Variants in KCND2 observed in about 807,000 individuals in gnomAD.
KCND2 encodes potassium voltage-gated channel subfamily D member 2.
A neutral mutation model predicts 54.4 loss-of-function variants in KCND2; 16 were observed. The observed-to-expected ratio is 0.29, with a 90% CI of 0.20 to 0.45. The LOEUF (loss-of-function observed/expected upper bound fraction) is 0.45. Among genes scored for constraint, KCND2 ranks in the 20% least tolerant of loss-of-function variants. The probability of loss-of-function intolerance (pLI) is 1.00; values close to 1 mark genes in which losing one functional copy is unlikely to be tolerated. For missense variants in KCND2, 486 were observed against 824.2 expected (o/e 0.59, Z 5.02); for synonymous variants, 317 against 310.7 (o/e 1.02, Z -0.21).
intron 1 of KCND2, among the ~76,000 whole-genome samples, chr7:120,297,630 C>A (rs1286588549): frequency 6.6e-6 from 1 of 151,978 alleles, no homozygotes; most frequent in Non-Finnish European, 1.5e-5. Flanking sequence ...AAAATAATTT[C>A]TCTGCATCAT....
At chr7:120,373,029 G>A (rs972087557) in intron 1 of KCND2, among the ~76,000 whole-genome samples, 1 of 151,810 alleles carries the variant, frequency 6.6e-6, no homozygotes, top group Non-Finnish European at 1.5e-5. Context: ...AATATTCTCT[G>A]GAAAATGATA....
At chr7:120,294,936 T>A (rs1584716827) in intron 1 of KCND2, among the ~76,000 whole-genome samples, 1 of 151,966 alleles carries the variant, frequency 6.6e-6, no homozygotes, top group Non-Finnish European at 1.5e-5. Flanking sequence ...CTTGCCTAGG[T>A]TAGAAACTCT....
chr7:120,597,316 G>T (rs1792758654), intron 1 of KCND2, among the ~76,000 whole-genome samples: 1 of 152,106 alleles, frequency 6.6e-6, no homozygotes, highest in African/African-American at 2.4e-5. Flanking sequence ...TCCAAACAAA[G>T]AATCGTCTGT....
At chr7:120,630,515 G>A (rs765074916) in intron 1 of KCND2, among the ~76,000 whole-genome samples, 21 of 152,014 alleles carry the variant, frequency 1.4e-4, no homozygotes, top group Non-Finnish European at 2.4e-4. Flanking sequence ...ATACCAAAAT[G>A]TTCGGATTTT....
intron 1 of KCND2, among the ~76,000 whole-genome samples, chr7:120,288,659 A>G (rs547593428): frequency 4.7e-4 from 71 of 152,116 alleles, no homozygotes; most frequent in Non-Finnish European, 6.9e-4. Context: ...GTCTTACAAA[A>G]GGCTGATTGA....
intron 1 of KCND2, among the ~76,000 whole-genome samples, chr7:120,411,615 T>C (rs965743432): frequency 2.0e-5 from 3 of 151,930 alleles, no homozygotes; most frequent in African/African-American, 7.2e-5. Context: ...TTAAAAACTT[T>C]GTAAGAAGAG....
At chr7:120,431,305 C>G (rs542771424) in intron 1 of KCND2, among the ~76,000 whole-genome samples, 5 of 152,242 alleles carry the variant, frequency 3.3e-5, no homozygotes, top group South Asian at 2.1e-4. Flanking sequence ...ATGAGCAAAA[C>G]AAATGCAGCC....
intron 1 of KCND2, among the ~76,000 whole-genome samples, chr7:120,289,121 G>T (rs1799396709): frequency 6.6e-6 from 1 of 151,570 alleles, no homozygotes; most frequent in Non-Finnish European, 1.5e-5. Flanking sequence ...TAAAGAGAAA[G>T]AAAGTGAGGG....
Position 120,645,199 on chromosome 7 carries a change from C to T in KCND2, c.1116-87704C>T, listed in dbSNP as rs544475688. Among the ~76,000 whole-genome samples, 28 of 152,298 alleles carry T rather than the reference C, an allele frequency of 1.8e-4. No homozygotes were observed. In the East Asian group the frequency reaches 5.4e-3, roughly 29 times the overall value. ...TGAGCCTCATTGCTATAAAAGCCTG[C>T]GTATAAGCCGGCCGCTTGATAAATG... On this transcript the variant is annotated intron_variant, in intron 1 of 5. Transcript: ENST00000331113.
At chr7:120,356,585 A>G (rs554831000) in intron 1 of KCND2, among the ~76,000 whole-genome samples, 56 of 152,270 alleles carry the variant, frequency 3.7e-4, no homozygotes, top group Non-Finnish European at 7.6e-4. Context: ...AGTCTGGCCC[A>G]CTGTTGGGGT....
chr7:120,419,967 A>G (rs1801586922), intron 1 of KCND2, among the ~76,000 whole-genome samples: 1 of 147,000 alleles, frequency 6.8e-6, no homozygotes. Flanking sequence ...CCCTCCCTTC[A>G]TCTTACTAAC....
intron 1 of KCND2, among the ~76,000 whole-genome samples, chr7:120,407,930 A>G (rs954451355): frequency 1.3e-5 from 2 of 151,752 alleles, no homozygotes; most frequent in Non-Finnish European, 2.9e-5. Flanking sequence ...GTGTAGGTGA[A>G]GAGGAGTCAA....
At chr7:120,309,347 G>C (rs1799694008) in intron 1 of KCND2, among the ~76,000 whole-genome samples, 1 of 151,470 alleles carries the variant, frequency 6.6e-6, no homozygotes, top group South Asian at 2.1e-4. Context: ...TTTACAGAAG[G>C]CATACTTAAT....
intron 1 of KCND2, among the ~76,000 whole-genome samples, chr7:120,690,368 T>C (rs1792253772): frequency 6.6e-6 from 1 of 152,080 alleles, no homozygotes. Context: ...AGAAAGAAAA[T>C]CCACCAATAA....
At chr7:120,311,533 CACA>C (rs1799735815) in intron 1 of KCND2, among the ~76,000 whole-genome samples, 1 of 152,084 alleles carries the variant, frequency 6.6e-6, no homozygotes, top group South Asian at 2.1e-4. Flanking sequence ...ATTTATTAAC[CACA>C]ACATTACAGT....
At chr7:120,573,917 C>T (rs1792395736) in intron 1 of KCND2, among the ~76,000 whole-genome samples, 1 of 152,230 alleles carries the variant, frequency 6.6e-6, no homozygotes, top group South Asian at 2.1e-4. Flanking sequence ...ATCCTGTCTT[C>T]ACTTTTCTGT....
chr7:120,382,604 T>G lies in KCND2; in HGVS notation c.1115+106857T>G, dbSNP rs550950919. 1.2e-4 allele frequency among the ~76,000 whole-genome samples: 18 copies of G among 152,010 alleles called. 1 individual carries two copies. In the East Asian group the frequency reaches 3.5e-3, roughly 29 times the overall value. On this transcript the variant is annotated intron_variant, in intron 1 of 5. Coordinates refer to ENST00000331113, the MANE Select transcript of KCND2 (RefSeq NM_012281.3). The stretch of plus-strand genomic sequence containing the variant: ...TTACCTTTTTGTAATGCTAAATTAA[T>G]GATCAACATTAACAAAATGTTTATA...
At chr7:120,403,802 C>T (rs1440072376) in intron 1 of KCND2, among the ~76,000 whole-genome samples, 2 of 151,590 alleles carry the variant, frequency 1.3e-5, no homozygotes, top group Non-Finnish European at 2.9e-5. Context: ...AATGTTTTTT[C>T]CAGATATAAA....
chr7:120,645,341 A>T (rs1251907793), intron 1 of KCND2, among the ~76,000 whole-genome samples: 2 of 151,834 alleles, frequency 1.3e-5, no homozygotes, highest in African/African-American at 2.4e-5. Context: ...GTGGCCCATG[A>T]CTAGTGGCAT....
Sources: allele counts gnomAD v4.1 joint callset (sites outside exome capture counted in the v4.1 genomes callset), GRCh38; gene constraint gnomAD v4.1.1; transcripts MANE v1.5; gene names NCBI Gene and HGNC (gene_info 2026-07-23, HGNC 2026-07-21).